Variants in AGAP1 observed in about 807,000 individuals in gnomAD.
AGAP1 encodes the protein ArfGAP with GTPase domain, ankyrin repeat and PH domain 1.
In AGAP1, 29 loss-of-function variants were observed where a neutral mutation model predicts 105.3. The observed-to-expected ratio is 0.28, with a 90% CI of 0.21 to 0.38. The LOEUF (loss-of-function observed/expected upper bound fraction) is 0.38, where lower values mean the gene tolerates loss of function less well. Among genes scored for constraint, AGAP1 ranks in the 10% least tolerant of loss-of-function variants. AGAP1 has a pLI of 1.00. For missense variants in AGAP1, 998 were observed against 1,165.1 expected (o/e 0.86, Z 2.09); for synonymous variants, 509 against 485.9 (o/e 1.05, Z -0.63).
chr2:235,956,457 C>A (rs1320220387), intron 12 of AGAP1, among the ~76,000 whole-genome samples: 1 of 152,184 alleles, frequency 6.6e-6, no homozygotes, highest in African/African-American at 2.4e-5. Context: ...TGTGTTCCTT[C>A]TGTCATCCCT....
intron 1 of AGAP1, chr2:235,670,415 G>T (rs1004203452): frequency 1.8e-6 from 1 of 564,120 alleles, no homozygotes; most frequent in Non-Finnish European, 3.2e-6. Context: ...GCTGGAACTG[G>T]GGCGGCTCCG....
In AGAP1 at chr2:235,908,936, C is replaced by A. The variant is rs1316341728; in HGVS notation, c.1324+30C>A. 2 of 1,591,218 alleles carry A rather than the reference C, an allele frequency of 1.3e-6. No individual in the cohort carries two copies. The highest frequency in any genetic ancestry group is 1.7e-6 in the Non-Finnish European group (2 of 1,162,408). On this transcript the variant is annotated intron_variant, in intron 11 of 17. Transcript: ENST00000304032. This position sits in a 1 kb window ranked among gnomAD's most constrained non-coding sequence, Gnocchi z 4.4. ...GCTTACAGCAAATGCACTAACAAAT[C>A]AAGTTCAACAGCAACAGGTGGTCCA...
chr2:236,081,644 T>C (rs887368122), intron 16 of AGAP1, among the ~76,000 whole-genome samples: 1 of 150,300 alleles, frequency 6.7e-6, no homozygotes, highest in African/African-American at 2.4e-5. Flanking sequence ...AAGTAATGTT[T>C]CCAGTCTGCT....
intron 1 of AGAP1, among the ~76,000 whole-genome samples, chr2:235,619,677 G>A (rs1005741225): frequency 2.0e-5 from 3 of 152,206 alleles, no homozygotes; most frequent in African/African-American, 4.8e-5. Flanking sequence ...AATTTCATGA[G>A]CATCCTGGGC....
At chr2:235,816,398 A>G (rs959422331) in intron 9 of AGAP1, among the ~76,000 whole-genome samples, 3 of 144,856 alleles carry the variant, frequency 2.1e-5, no homozygotes, top group Non-Finnish European at 3.0e-5. Flanking sequence ...AGATCGCACC[A>G]CTGCACTCCA....
intron 16 of AGAP1, among the ~76,000 whole-genome samples, chr2:236,111,506 AGAG>A (rs879410166): frequency 8.5e-4 from 60 of 70,826 alleles, no homozygotes; most frequent in Non-Finnish European, 2.0e-3. Flanking sequence ...AAAAAAAAAA[AGAG>A]AGAGAAGAAG....
At position 235,921,274 on chromosome 2, in the gene AGAP1, TAAC is replaced by T. The variant is rs763009811; in HGVS notation, c.1325-9486_1325-9484del. ...CATATCTAAAATTATGAAGATTACATAACAACATGGGGAAAATGGTTAGGAAAT... is the reference window on the plus strand; with the variant it reads ...CATATCTAAAATTATGAAGATTACATAACATGGGGAAAATGGTTAGGAAAT... On this transcript the variant is annotated intron_variant, in intron 11 of 17. Transcript: ENST00000304032. Among the ~76,000 whole-genome samples, 45 of 152,312 alleles carry T rather than the reference TAAC, an allele frequency of 3.0e-4. 1 individual carries two copies. The highest frequency in any genetic ancestry group is 4.7e-4 in the Non-Finnish European group (32 of 68,022).
At chr2:235,853,016 C>T (rs2048541538) in intron 9 of AGAP1, 13 of 1,246,224 alleles carry the variant, frequency 1.0e-5, no homozygotes, top group Non-Finnish European at 1.1e-5. Flanking sequence ...CCAGAAAGTT[C>T]GGCAACTCAC....
At position 235,631,492 on chromosome 2, in the gene AGAP1, G is replaced by C. The variant is rs761943921; in HGVS notation, c.164-77687G>C. ...CCCAGGACCGGACTGCGTGGTCCTG[G>C]TTATACCTGCTGGTCAAAGGTCAGT... On this transcript the variant is annotated intron_variant, in intron 1 of 17. Transcript: ENST00000304032. This position sits in a 1 kb window ranked among gnomAD's most constrained non-coding sequence, Gnocchi z 5.4. Among the ~76,000 whole-genome samples the C allele has an allele frequency of 2.1e-4, 32 of 152,194 alleles. No homozygotes were observed. The highest frequency in any genetic ancestry group is 8.8e-5 in the Non-Finnish European group (6 of 68,018).
intron 1 of AGAP1, among the ~76,000 whole-genome samples, chr2:235,707,472 A>ACCCCCCCCCCCC (rs1250772330): frequency 1.0e-3 from 23 of 22,408 alleles, no homozygotes; most frequent in Non-Finnish European, 2.0e-3. Context: ...CCTCCCCATG[A>ACCCCCCCCCCCC]CCCCCCCCCC....
At position 235,964,346 on chromosome 2, in the gene AGAP1, T is replaced by C. The variant is rs2125325934; in HGVS notation, c.1484-4116T>C. Among the ~76,000 whole-genome samples the C allele has an allele frequency of 6.6e-6, 1 of 152,230 alleles. No individual in the cohort carries two copies. Among genetic ancestry groups the C allele is most frequent in the East Asian group, 1.9e-4 (1 of 5,168 alleles). Reference sequence around the variant, plus strand: ...GTTGCGTTTGCCTGTTCTGCTTATCTCCCTGCAGGACTAGGGTTGAGCTCT... The same window carrying C: ...GTTGCGTTTGCCTGTTCTGCTTATCCCCCTGCAGGACTAGGGTTGAGCTCT... On this transcript the variant is annotated intron_variant, in intron 12 of 17. Transcript: ENST00000304032. This position sits in a 1 kb window ranked among gnomAD's most constrained non-coding sequence, Gnocchi z 4.6.
chr2:236,097,279 G>T (rs2059213695), intron 16 of AGAP1, among the ~76,000 whole-genome samples: 1 of 150,084 alleles, frequency 6.7e-6, no homozygotes, highest in Non-Finnish European at 1.5e-5. Context: ...CAACTTGAGA[G>T]ACTCACACAG....
chr2:235,590,457 C>G (rs1466536939), intron 1 of AGAP1, among the ~76,000 whole-genome samples: 9 of 152,026 alleles, frequency 5.9e-5, no homozygotes, highest in Admixed American at 5.9e-4. Context: ...GATGTTGAAG[C>G]TGTTGATCAA....
chr2:235,876,710 C>T (rs963563567), intron 9 of AGAP1, among the ~76,000 whole-genome samples: 1 of 152,184 alleles, frequency 6.6e-6, no homozygotes, highest in Non-Finnish European at 1.5e-5. Flanking sequence ...CACCTTGTCC[C>T]GATTTTACCT....
At chr2:235,536,376 G>A (rs1318582097) in intron 1 of AGAP1, among the ~76,000 whole-genome samples, 20 of 19,054 alleles carry the variant, frequency 1.0e-3, no homozygotes, top group East Asian at 2.4e-3. Context: ...CACACACACA[G>A]CAGGACCCCG....
At chr2:235,727,766 T>C (rs1053801239) in intron 3 of AGAP1, among the ~76,000 whole-genome samples, 1 of 152,166 alleles carries the variant, frequency 6.6e-6, no homozygotes, top group Non-Finnish European at 1.5e-5. Context: ...GGTACCCATA[T>C]TGATCATAAT....
chr2:235,952,224 A>G (rs115864723), intron 12 of AGAP1, among the ~76,000 whole-genome samples: 2,638 of 152,272 alleles, frequency 0.017, 82 homozygotes, highest in African/African-American at 0.06. Flanking sequence ...GGTGAACCGC[A>G]GCCTCAGAAT....
At position 235,962,144 on chromosome 2, in the gene AGAP1, C is replaced by T. The variant is rs541063336; in HGVS notation, c.1484-6318C>T. 5.9e-5 allele frequency among the ~76,000 whole-genome samples: 9 copies of T among 152,062 alleles called. No individual in the cohort carries two copies. Among genetic ancestry groups the T allele is most frequent in the Admixed American group, 3.3e-4 (5 of 15,278 alleles). On this transcript the variant is annotated intron_variant, in intron 12 of 17. Coordinates refer to ENST00000304032, the MANE Select transcript of AGAP1 (RefSeq NM_001037131.3). The surrounding 1 kb of genome is among the most constrained non-coding windows in gnomAD (Gnocchi z 5.3). ...GGTGTGGGGCGTGGGGTGTTTGAAG[C>T]GGGAGGAGAAGCTTTGAAATAGCCC...
intron 1 of AGAP1, among the ~76,000 whole-genome samples, chr2:235,703,836 A>C (rs1950386667): frequency 6.6e-6 from 1 of 152,048 alleles, no homozygotes; most frequent in Admixed American, 6.6e-5. Context: ...ACCTCAGGTG[A>C]TCCACCTGCA....
Sources: gnomAD v4.1 joint callset for allele counts (sites outside exome capture counted in the v4.1 genomes callset) on GRCh38, gnomAD v4.1.1 for gene constraint, Gnocchi (gnomAD v3.1) non-coding constraint, MANE v1.5 for transcripts, NCBI Gene and HGNC (gene_info 2026-07-23, HGNC 2026-07-21) for gene names.